NLRC5: variants seen among roughly 807,000 people sequenced by gnomAD.
The protein encoded by NLRC5 is protein NLRC5.
A neutral mutation model predicts 206.9 loss-of-function variants in NLRC5; 114 were observed. That is an observed-to-expected ratio of 0.55 (90% CI 0.47 to 0.64). The LOEUF is 0.64. NLRC5 is among the 30% of genes least tolerant of loss of function. NLRC5 has a pLI of 0.00. For synonymous variants in NLRC5, 952 were observed against 962.8 expected (o/e 0.99, Z 0.21); for missense variants, 2,008 against 2,305.5 (o/e 0.87, Z 2.64).
At chr16:56,998,744 T>C (rs151189814) in intron 1 of NLRC5, among the ~76,000 whole-genome samples, 97 of 152,396 alleles carry the variant, frequency 6.4e-4, no homozygotes, top group African/African-American at 2.2e-3. Context: ...CATATCATTA[T>C]ACAATGTGTC....
At chr16:57,013,527 C>A in intron 1 of NLRC5, 1 of 834,312 alleles carries the variant, frequency 1.2e-6, no homozygotes, top group Non-Finnish European at 2.1e-6. Flanking sequence ...TTCATCATTA[C>A]AGTACAATTA....
chr16:57,014,327 T>C (rs115895583), intron 1 of NLRC5, among the ~76,000 whole-genome samples: 1,528 of 152,336 alleles, frequency 0.01, 26 homozygotes, highest in African/African-American at 0.028. Context: ...GCCAATTTTT[T>C]TCCATTTTTA....
rs769293305 is a variant in NLRC5, at chr16:57,067,832, T to C, written c.4499+4T>C. On this transcript the variant is annotated splice_donor_region_variant and intron_variant, in intron 36 of 48. Coordinates refer to ENST00000688547, the MANE Select transcript of NLRC5 (RefSeq NM_001384950.1). ...TCTCTGAGCTGAAGACATTTCGGTATGTAGACAAGACATTCACTCAGTCCC... is the reference window on the plus strand; with the variant it reads ...TCTCTGAGCTGAAGACATTTCGGTACGTAGACAAGACATTCACTCAGTCCC... The C allele has an allele frequency of 3.7e-6, 6 of 1,611,522 alleles. No homozygotes were observed. Among genetic ancestry groups the C allele is most frequent in the Non-Finnish European group, 5.1e-6 (6 of 1,177,584 alleles).
intron 1 of NLRC5, chr16:57,013,203 A>G: frequency 2.3e-6 from 1 of 438,492 alleles, no homozygotes. Context: ...ACTTCATTAA[A>G]GGTTGCGAAC....
chr16:57,048,595 G>A (rs916820556), intron 23 of NLRC5, among the ~76,000 whole-genome samples: 9 of 152,078 alleles, frequency 5.9e-5, no homozygotes, highest in Admixed American at 1.3e-4. Context: ...GTGCAATGGC[G>A]TGATCTCGGC....
At chr16:57,043,418 G>A in intron 19 of NLRC5, 97 bp from the exon 20 acceptor site, 1 of 946,882 alleles carries the variant, frequency 1.1e-6, no homozygotes, top group Non-Finnish European at 1.8e-6. Flanking sequence ...TCCGTCATCT[G>A]GAACCAGGGA....
chr16:57,079,752 A>G (rs2068894553), intron 46 of NLRC5, 123 bp downstream of exon 46: 12 of 695,418 alleles, frequency 1.7e-5, no homozygotes, highest in Non-Finnish European at 5.0e-6. Flanking sequence ...CAGTCCTCCC[A>G]TTTGTAAATG....
At chr16:57,055,390 C>G in intron 26 of NLRC5, 43 bp from the exon 27 acceptor site, 1 of 1,586,638 alleles carries the variant, frequency 6.3e-7, no homozygotes, top group South Asian at 1.1e-5. Context: ...GTCTCAGTGG[C>G]CAAACGCCCC....
At chr16:57,007,977 A>G (rs1325764770) in intron 1 of NLRC5, among the ~76,000 whole-genome samples, 1 of 152,232 alleles carries the variant, frequency 6.6e-6, no homozygotes, top group Non-Finnish European at 1.5e-5. Context: ...TGACAATACA[A>G]AAATTTTAAT....
chr16:57,076,847 G>A lies in NLRC5; in HGVS notation c.4780G>A (p.Gly1594Ser), dbSNP rs142594119. 35 of 1,613,962 alleles carry A rather than the reference G, an allele frequency of 2.2e-5. No homozygotes were observed. Among genetic ancestry groups the A allele is most frequent in the African/African-American group, 9.3e-5 (7 of 74,916 alleles). The change falls in exon 40 of 49, where the codon GGT (glycine) becomes AGT (serine). Residue 1594 changes from glycine (G) to serine (S), a missense_variant. Coordinates refer to ENST00000688547, the MANE Select transcript of NLRC5 (RefSeq NM_001384950.1). ...GAACAGGAACAGTATCGGTGATGTC[G>A]GTTGCTGCCACCTTTCTGAGGCTCT... ...RLNRNSIGDV[G>S]CCHLSEALRA...
intron 3 of NLRC5, among the ~76,000 whole-genome samples, chr16:57,021,680 T>C (rs1035535965): frequency 1.3e-5 from 2 of 152,146 alleles, no homozygotes; most frequent in African/African-American, 4.8e-5. Flanking sequence ...TAGAGGTGTT[T>C]TTGTTTGTTT....
intron 48 of NLRC5, 150 bp from the exon 49 acceptor site, chr16:57,082,267 C>G (rs2069244051): frequency 1.8e-6 from 1 of 563,304 alleles, no homozygotes; most frequent in Admixed American, 3.4e-5. Context: ...TACACCCTCT[C>G]CCTAGGTCAG....
chr16:57,002,846 T>C (rs997921580), intron 1 of NLRC5, among the ~76,000 whole-genome samples: 9 of 152,122 alleles, frequency 5.9e-5, no homozygotes, highest in Non-Finnish European at 1.2e-4. Flanking sequence ...GGTTTCACCA[T>C]GTTGGCGAGG....
rs199475984 is a variant in NLRC5 at position 57,037,161 on chromosome 16, C to T, written c.2712-34C>T. On this transcript the variant is annotated intron_variant, in intron 14 of 48. Transcript: ENST00000688547. The stretch of plus-strand genomic sequence containing the variant: ...TGGCTGGGGCTGGGTACCTCAGCCA[C>T]ATGCCAACGGCTGCCTTCTCCTGCT... The T allele has an allele frequency of 6.1e-5, 96 of 1,585,724 alleles. 1 individual carries two copies. The East Asian group carries it at 2.1e-3, about 35-fold the overall frequency.
intron 6 of NLRC5, 75 bp downstream of exon 6, chr16:57,027,093 C>A: frequency 6.6e-7 from 1 of 1,509,854 alleles, no homozygotes; most frequent in Non-Finnish European, 8.9e-7. Flanking sequence ...TCTAGCAAAC[C>A]TCTGCCAAGA....
At chr16:57,042,855 G>A (rs2063464024) in intron 19 of NLRC5, among the ~76,000 whole-genome samples, 1 of 152,178 alleles carries the variant, frequency 6.6e-6, no homozygotes, top group East Asian at 1.9e-4. Flanking sequence ...CCCTGTTTTT[G>A]TGCAATGCTG....
intron 36 of NLRC5, among the ~76,000 whole-genome samples, chr16:57,068,156 G>A (rs765572539): frequency 4.6e-5 from 7 of 152,208 alleles, no homozygotes; most frequent in South Asian, 2.1e-4. Context: ...AGAGCTGGGC[G>A]TGGTGGCTCA....
rs764525995 is a variant in NLRC5 at position 57,031,387 on chromosome 16, G to A, written c.2418-17G>A. 2 of 1,613,826 alleles carry A rather than the reference G, an allele frequency of 1.2e-6. No individual in the cohort carries two copies. The highest frequency in any genetic ancestry group is 2.2e-5 in the East Asian group (1 of 44,852). ...TTCCAGTCTCTGGGTTTCATGGCTT[G>A]GTATCTGATCCTGCAGGGAGGCGGA... On this transcript the variant is annotated splice_polypyrimidine_tract_variant and intron_variant, in intron 10 of 48. Coordinates refer to ENST00000688547, the MANE Select transcript of NLRC5 (RefSeq NM_001384950.1).
chr16:57,068,432 GAA>G (rs36035686), intron 36 of NLRC5, among the ~76,000 whole-genome samples: 1 of 136,824 alleles, frequency 7.3e-6, no homozygotes, highest in Admixed American at 7.3e-5. Context: ...CTCGGTTTCC[GAA>G]AAAAAAAAAA....
Sources: allele counts gnomAD v4.1 joint callset (sites outside exome capture counted in the v4.1 genomes callset), GRCh38; gene constraint gnomAD v4.1.1; transcripts MANE v1.5; gene names NCBI Gene and HGNC (gene_info 2026-07-23, HGNC 2026-07-21).